The following PRKG1 variants were observed in gnomAD, a reference collection of about 807,000 sequenced individuals.
PRKG1 encodes cGMP-dependent protein kinase 1.
In PRKG1, 35 loss-of-function variants were observed where a neutral mutation model predicts 88.1. That is an observed-to-expected ratio of 0.40 (90% CI 0.30 to 0.53). The LOEUF is 0.53. PRKG1 is among the 20% of genes least tolerant of loss of function. The pLI, the probability that PRKG1 is intolerant of heterozygous loss-of-function variation, is 0.59. For synonymous variants in PRKG1, 303 were observed against 292.5 expected (o/e 1.04, Z -0.37); for missense variants, 540 against 839.8 (o/e 0.64, Z 4.41).
intron 4 of PRKG1, among the ~76,000 whole-genome samples, chr10:51,897,611 T>A (rs949167190): frequency 6.6e-6 from 1 of 152,204 alleles, no homozygotes; most frequent in African/African-American, 2.4e-5. Context: ...AAAAATTAAA[T>A]TGTTTTTATT....
intron 2 of PRKG1, among the ~76,000 whole-genome samples, chr10:51,433,389 A>G (rs948705475): frequency 2.0e-5 from 3 of 152,100 alleles, no homozygotes; most frequent in African/African-American, 7.2e-5. Flanking sequence ...GGGTGCTTCT[A>G]GTACCCTCTT....
At chr10:51,140,104 C>G (rs1352037627) in intron 1 of PRKG1, among the ~76,000 whole-genome samples, 2 of 152,184 alleles carry the variant, frequency 1.3e-5, no homozygotes, top group African/African-American at 2.4e-5. Context: ...TTTAGATTTC[C>G]TATGGGGTGG....
At chr10:51,590,943 A>T (rs1049856097) in intron 3 of PRKG1, among the ~76,000 whole-genome samples, 6 of 152,220 alleles carry the variant, frequency 3.9e-5, no homozygotes, top group African/African-American at 1.4e-4. Context: ...AGCACAAGGA[A>T]TGTGGAAACC....
intron 3 of PRKG1, among the ~76,000 whole-genome samples, chr10:51,484,375 T>G (rs895839360): frequency 2.0e-5 from 3 of 152,182 alleles, no homozygotes; most frequent in Admixed American, 1.3e-4. Flanking sequence ...TTAAAAGACA[T>G]TTTATCTTAT....
intron 7 of PRKG1, among the ~76,000 whole-genome samples, chr10:52,122,731 G>T (rs1336372220): frequency 6.6e-6 from 1 of 152,136 alleles, no homozygotes; most frequent in Admixed American, 6.5e-5. Flanking sequence ...TAACAAGAAA[G>T]AAACTAGGAT....
chr10:52,091,682 C>T (rs999015127), intron 7 of PRKG1, among the ~76,000 whole-genome samples: 4 of 152,062 alleles, frequency 2.6e-5, no homozygotes, highest in African/African-American at 4.8e-5. Flanking sequence ...TCTTGGGTTG[C>T]GTCAGATTTG....
chr10:51,210,458 C>G (rs1838183094), intron 2 of PRKG1, among the ~76,000 whole-genome samples: 1 of 152,090 alleles, frequency 6.6e-6, no homozygotes, highest in Non-Finnish European at 1.5e-5. Context: ...CAAGAAATAA[C>G]TAAGATCAGA....
chr10:52,008,118 A>G (rs1037917322), intron 5 of PRKG1, among the ~76,000 whole-genome samples: 1 of 152,184 alleles, frequency 6.6e-6, no homozygotes, highest in African/African-American at 2.4e-5. Flanking sequence ...TCTGGGACAC[A>G]GCTAAATCAG....
chr10:51,682,696 G>C (rs1469057271), intron 3 of PRKG1, among the ~76,000 whole-genome samples: 1 of 152,206 alleles, frequency 6.6e-6, no homozygotes, highest in East Asian at 1.9e-4. Flanking sequence ...CTTGGAGGTA[G>C]TTTGTCCAGT....
At chr10:52,266,562 T>C (rs1841575616) in intron 10 of PRKG1, among the ~76,000 whole-genome samples, 1 of 152,046 alleles carries the variant, frequency 6.6e-6, no homozygotes, top group African/African-American at 2.4e-5. Flanking sequence ...CATTCCTTTT[T>C]ATAGCATCCA....
At chr10:51,692,435 C>T (rs553143306) in intron 3 of PRKG1, among the ~76,000 whole-genome samples, 5 of 151,948 alleles carry the variant, frequency 3.3e-5, no homozygotes, top group Non-Finnish European at 7.4e-5. Context: ...TTAGTAGAGA[C>T]GGATTTTCAC....
intron 3 of PRKG1, among the ~76,000 whole-genome samples, chr10:51,602,732 A>ATATGTG (rs1477531011): frequency 9.3e-5 from 12 of 128,918 alleles, no homozygotes; most frequent in African/African-American, 3.8e-4. Context: ...ATTAATATAT[A>ATATGTG]TGTGTGTGTG....
At chr10:51,547,934 A>T (rs1021959366) in intron 3 of PRKG1, among the ~76,000 whole-genome samples, 3 of 152,156 alleles carry the variant, frequency 2.0e-5, no homozygotes, top group Non-Finnish European at 2.9e-5. Context: ...ATTCATGCAC[A>T]TCTTAATTAT....
chr10:51,018,511 A>C (rs1048231908), intron 1 of PRKG1, among the ~76,000 whole-genome samples: 5 of 152,176 alleles, frequency 3.3e-5, no homozygotes, highest in African/African-American at 1.2e-4. Context: ...CCCTGCTCTT[A>C]ACCAGTTGAA....
intron 14 of PRKG1, among the ~76,000 whole-genome samples, chr10:52,283,754 T>C (rs1167199090): frequency 6.6e-5 from 10 of 151,982 alleles, no homozygotes; most frequent in Admixed American, 6.6e-4. Flanking sequence ...GAAGGTTAAA[T>C]TTAACATATG....
At chr10:51,126,103 A>G (rs1589172305) in intron 1 of PRKG1, among the ~76,000 whole-genome samples, 1 of 119,766 alleles carries the variant, frequency 8.3e-6, no homozygotes, top group East Asian at 2.5e-4. Context: ...ATAATATACT[A>G]TATATAATTA....
intron 5 of PRKG1, among the ~76,000 whole-genome samples, chr10:51,952,912 G>A (rs1434616542): frequency 2.6e-5 from 4 of 152,060 alleles, no homozygotes; most frequent in Non-Finnish European, 4.4e-5. Flanking sequence ...ACAGAGCCTG[G>A]GACAGTGTGA....
At chr10:51,211,541 T>C (rs553968503) in intron 2 of PRKG1, among the ~76,000 whole-genome samples, 48 of 152,292 alleles carry the variant, frequency 3.2e-4, no homozygotes, top group African/African-American at 1.0e-3. Context: ...TGTTTGCAGA[T>C]GACATGATTG....
At chr10:51,125,112 G>T (rs940722943) in intron 1 of PRKG1, among the ~76,000 whole-genome samples, 3 of 152,126 alleles carry the variant, frequency 2.0e-5, no homozygotes, top group Admixed American at 6.6e-5. Flanking sequence ...GAGCCCAGGA[G>T]TTCGAGAGCA....
Sources: gnomAD v4.1 joint callset for allele counts (sites outside exome capture counted in the v4.1 genomes callset) on GRCh38, gnomAD v4.1.1 for gene constraint, MANE v1.5 for transcripts, NCBI Gene and HGNC (gene_info 2026-07-23, HGNC 2026-07-21) for gene names.